TET2: variants seen among roughly 807,000 people sequenced by gnomAD.
TET2 encodes methylcytosine dioxygenase TET2.
TET2 carries 299 observed loss-of-function variants against 142.9 expected under a neutral mutation model. The observed-to-expected ratio is 2.09, with a 90% CI of 1.90 to 2.30. The LOEUF is 2.30. Ranked by LOEUF, TET2 falls within the 30% of genes most tolerant of loss-of-function variation. TET2 has a pLI of 0.00. For synonymous variants in TET2, 819 were observed against 849.0 expected (o/e 0.96, Z 0.61); for missense variants, 2,418 against 2,378.0 (o/e 1.02, Z -0.35).
intron 2 of TET2, among the ~76,000 whole-genome samples, chr4:105,206,478 G>T (rs1185965393): frequency 6.6e-6 from 1 of 152,186 alleles, no homozygotes; most frequent in African/African-American, 2.4e-5. Context: ...GGCTTCAACT[G>T]CAGTCTACCT....
Position 105,221,346 on chromosome 4 carries a change from T to G in TET2, c.-46-12551T>G, listed in dbSNP as rs539341677. Among the ~76,000 whole-genome samples, 8 of 152,278 alleles carry G rather than the reference T, an allele frequency of 5.3e-5. No individual in the cohort carries two copies. In the South Asian group the frequency reaches 1.7e-3, roughly 32 times the overall value. ...AACTGAAAGCAGATTTATACTAAAC[T>G]GGCAGGTGTCTCCAGATCTTAAATG... On this transcript the variant is annotated intron_variant, in intron 2 of 10. Coordinates refer to ENST00000380013, the MANE Select transcript of TET2 (RefSeq NM_001127208.3).
At chr4:105,272,224 G>A (rs1038111506) in intron 9 of TET2, among the ~76,000 whole-genome samples, 3 of 152,192 alleles carry the variant, frequency 2.0e-5, no homozygotes, top group Non-Finnish European at 4.4e-5. Context: ...TATTTTTGAA[G>A]TGTGAAAAGC....
At chr4:105,252,557 G>A (rs566391292) in intron 6 of TET2, among the ~76,000 whole-genome samples, 1 of 152,256 alleles carries the variant, frequency 6.6e-6, no homozygotes, top group East Asian at 1.9e-4. Context: ...TTGATTGACA[G>A]TAAGAGTAAG....
At chr4:105,228,488 G>A (rs1728313648) in intron 2 of TET2, among the ~76,000 whole-genome samples, 1 of 151,900 alleles carries the variant, frequency 6.6e-6, no homozygotes, top group South Asian at 2.1e-4. Context: ...CAAAGGATTT[G>A]CCCTTGACAC....
intron 2 of TET2, among the ~76,000 whole-genome samples, chr4:105,217,153 C>G (rs1181780098): frequency 6.6e-6 from 1 of 151,794 alleles, no homozygotes; most frequent in African/African-American, 2.4e-5. Flanking sequence ...ACAGACCTTT[C>G]TCTTCATTTC....
At chr4:105,238,434 G>T in intron 3 of TET2, 1 of 244,456 alleles carries the variant, frequency 4.1e-6, no homozygotes, top group East Asian at 6.2e-5. Flanking sequence ...TTTGAAAATT[G>T]GACTCAGTCC....
intron 2 of TET2, among the ~76,000 whole-genome samples, chr4:105,216,397 G>A (rs113718817): frequency 3.3e-5 from 5 of 152,070 alleles, no homozygotes; most frequent in African/African-American, 1.2e-4. Flanking sequence ...AATCTGAAAT[G>A]CTCTTTTTCT....
intron 1 of TET2, among the ~76,000 whole-genome samples, chr4:105,160,346 A>G (rs138175810): frequency 2.0e-3 from 301 of 152,348 alleles, no homozygotes; most frequent in African/African-American, 7.0e-3. Flanking sequence ...AAAAAAAGGC[A>G]TCAAAAATTT....
At position 105,235,494 on chromosome 4, in the gene TET2, AT is replaced by A. The variant is rs1578673873; in HGVS notation, c.1557del (p.Phe519LeufsTer14). 6.2e-7 allele frequency: 1 copy of A among 1,614,110 alleles called. No homozygotes were observed. Among genetic ancestry groups the A allele is most frequent in the Non-Finnish European group, 8.5e-7 (1 of 1,179,990 alleles). On this transcript the variant is annotated frameshift_variant, in exon 3 of 11. Transcript: ENST00000380013. LOFTEE classifies it high-confidence loss of function. ...AGAACACCTCAAGCATAACCCACCA[AT>A]TTTTGGTAGCAGTGGAGAGCTACAG... ...MSEHLKHNPP[I>X]FGSSGELQDN...
chr4:105,240,068 C>T, intron 3 of TET2: 1 of 235,594 alleles, frequency 4.2e-6, no homozygotes. Context: ...TTTGTGGCAC[C>T]CCCCAAAAAT....
At chr4:105,228,916 A>G (rs1408658522) in intron 2 of TET2, among the ~76,000 whole-genome samples, 1 of 152,190 alleles carries the variant, frequency 6.6e-6, no homozygotes, top group Non-Finnish European at 1.5e-5. Context: ...GATGATTAAA[A>G]GCCATTGTCT....
chr4:105,235,483 A>AT lies in TET2; in HGVS notation c.1542dup (p.Asn515Ter). The stretch of plus-strand genomic sequence containing the variant: ...AGACCAATGTCAGAACACCTCAAGC[A>AT]TAACCCACCAATTTTTGGTAGCAGT... On this transcript the variant is annotated frameshift_variant, in exon 3 of 11. Coordinates refer to ENST00000380013, the MANE Select transcript of TET2 (RefSeq NM_001127208.3). LOFTEE classifies it high-confidence loss of function. 1 of 1,614,208 alleles carries AT rather than the reference A, an allele frequency of 6.2e-7. No individual in the cohort carries two copies. Among genetic ancestry groups the AT allele is most frequent in the Non-Finnish European group, 8.5e-7 (1 of 1,180,024 alleles).
rs985003269 is a variant in TET2 at position 105,234,218 on chromosome 4, A to G, written c.276A>G (p.Gly92=). The G allele has an allele frequency of 3.7e-6, 6 of 1,614,020 alleles. No homozygotes were observed. The highest frequency in any genetic ancestry group is 5.1e-6 in the Non-Finnish European group (6 of 1,180,024). The change falls in exon 3 of 11, where the codon GGA becomes GGG. Residue 92 remains glycine (G), a synonymous_variant. Coordinates refer to ENST00000380013, the MANE Select transcript of TET2 (RefSeq NM_001127208.3). ...SRGYSKCLQN[G]GIKRTVSEPS... is the part of the protein sequence containing the mutation. ...GGTATTCCAAGTGTTTGCAAAATGG[A>G]GGAATAAAACGCACAGTTAGTGAAC...
intron 2 of TET2, among the ~76,000 whole-genome samples, chr4:105,218,413 C>A (rs564806978): frequency 1.3e-5 from 2 of 151,994 alleles, no homozygotes; most frequent in Non-Finnish European, 2.9e-5. Flanking sequence ...TTCCTCATGT[C>A]GGCTATGCCA....
intron 1 of TET2, among the ~76,000 whole-genome samples, chr4:105,150,770 A>AGT (rs1723257414): frequency 6.6e-6 from 1 of 152,212 alleles, no homozygotes; most frequent in African/African-American, 2.4e-5. Flanking sequence ...AAACTGAGTG[A>AGT]ATACTGTGAC....
chr4:105,258,892 G>A (rs1730280254), intron 6 of TET2, among the ~76,000 whole-genome samples: 1 of 152,046 alleles, frequency 6.6e-6, no homozygotes, highest in African/African-American at 2.4e-5. Context: ...CAGAAACTAG[G>A]ACCTAGCACT....
chr4:105,269,555 C>T (rs905747575), intron 8 of TET2, 55 bp from the exon 9 acceptor site: 36 of 1,528,922 alleles, frequency 2.4e-5, no homozygotes, highest in Admixed American at 4.0e-5. Context: ...AGTGAGTTTT[C>T]GGTGTAAGAG....
intron 1 of TET2, chr4:105,172,645 A>G (rs146641451): frequency 4.7e-4 from 71 of 152,318 alleles, no homozygotes; most frequent in African/African-American, 1.4e-3. Flanking sequence ...ATTTTTTTCA[A>G]TGAAAAAAAT....
intron 6 of TET2, among the ~76,000 whole-genome samples, chr4:105,258,466 G>T (rs1197211909): frequency 6.6e-6 from 1 of 152,064 alleles, no homozygotes; most frequent in Non-Finnish European, 1.5e-5. Flanking sequence ...CAGAGATTTT[G>T]ATGGGAAATT....
Sources: gnomAD v4.1 joint callset for allele counts (sites outside exome capture counted in the v4.1 genomes callset) on GRCh38, gnomAD v4.1.1 for gene constraint, MANE v1.5 for transcripts, NCBI Gene and HGNC (gene_info 2026-07-23, HGNC 2026-07-21) for gene names.